TAFA1: variants seen among roughly 807,000 people sequenced by gnomAD.
The protein encoded by TAFA1 is TAFA chemokine like family member 1, also known as chemokine-like protein TAFA-1.
TAFA1 carries 4 observed loss-of-function variants against 18.5 expected under a neutral mutation model. That is an observed-to-expected ratio of 0.22 (90% CI 0.11 to 0.49). The LOEUF (loss-of-function observed/expected upper bound fraction) is 0.49, where lower values mean the gene tolerates loss of function less well. TAFA1 is among the 20% of genes least tolerant of loss of function. TAFA1 has a pLI of 0.98. For synonymous variants in TAFA1, 56 were observed against 55.2 expected (o/e 1.01, Z -0.06); for missense variants, 147 against 169.0 (o/e 0.87, Z 0.72).
chr3:68,484,978 C>T (rs2072310363), intron 3 of TAFA1, among the ~76,000 whole-genome samples: 1 of 152,108 alleles, frequency 6.6e-6, no homozygotes, highest in South Asian at 2.1e-4. Flanking sequence ...CTATTTTAAC[C>T]CATCCTTTGA....
intron 2 of TAFA1, among the ~76,000 whole-genome samples, chr3:68,369,601 C>G (rs1447934108): frequency 6.6e-6 from 1 of 152,186 alleles, no homozygotes; most frequent in Non-Finnish European, 1.5e-5. Context: ...TATGTAGTTT[C>G]TGAATCGTTG....
At chr3:68,060,920 C>G (rs13326766) in intron 2 of TAFA1, among the ~76,000 whole-genome samples, 52,232 of 152,064 alleles carry the variant, frequency 0.34, 9,722 homozygotes, top group East Asian at 0.49. Flanking sequence ...CACAAACCAG[C>G]TTGTCAGGAT....
chr3:68,171,135 G>A (rs965066714), intron 2 of TAFA1, among the ~76,000 whole-genome samples: 1 of 152,120 alleles, frequency 6.6e-6, no homozygotes, highest in African/African-American at 2.4e-5. Context: ...TATCATCTTG[G>A]ATTATCTAGA....
rs560665581 is a variant in TAFA1 at position 68,118,296 on chromosome 3, T to C, written c.118+111552T>C. On this transcript the variant is annotated intron_variant, in intron 2 of 4. Transcript: ENST00000478136. ...GATCCCTCACATGCGCACTTCATAA[T>C]AGGGTTCTCACTACCATAAGAATCT... 1.3e-4 allele frequency among the ~76,000 whole-genome samples: 20 copies of C among 152,254 alleles called. No individual in the cohort carries two copies. The East Asian group carries it at 1.5e-3, about 12-fold the overall frequency.
At chr3:68,501,272 A>G (rs2106706800) in intron 3 of TAFA1, among the ~76,000 whole-genome samples, 1 of 152,172 alleles carries the variant, frequency 6.6e-6, no homozygotes, top group African/African-American at 2.4e-5. Context: ...GACTCTATTG[A>G]AAATTGAATT....
chr3:68,154,271 G>A (rs1427978446), intron 2 of TAFA1, among the ~76,000 whole-genome samples: 2 of 152,126 alleles, frequency 1.3e-5, no homozygotes, highest in Non-Finnish European at 2.9e-5. Flanking sequence ...TAGAGACCTA[G>A]AAATTGTCTA....
At chr3:68,103,788 A>T (rs576054153) in intron 2 of TAFA1, among the ~76,000 whole-genome samples, 2 of 152,292 alleles carry the variant, frequency 1.3e-5, no homozygotes, top group East Asian at 3.9e-4. Flanking sequence ...AACACCTTAC[A>T]TGAATCACAA....
At chr3:68,188,737 T>C (rs2066301910) in intron 2 of TAFA1, among the ~76,000 whole-genome samples, 1 of 151,890 alleles carries the variant, frequency 6.6e-6, no homozygotes, top group Non-Finnish European at 1.5e-5. Flanking sequence ...CCATGCTATT[T>C]TGCACTAAGG....
chr3:68,304,365 G>A (rs1019569050), intron 2 of TAFA1, among the ~76,000 whole-genome samples: 7 of 152,132 alleles, frequency 4.6e-5, no homozygotes, highest in African/African-American at 1.7e-4. Context: ...CTTTATATTT[G>A]AACCTAGCAA....
chr3:68,361,025 T>C (rs780905915), intron 2 of TAFA1, among the ~76,000 whole-genome samples: 16 of 152,028 alleles, frequency 1.1e-4, no homozygotes, highest in Non-Finnish European at 1.5e-5. Flanking sequence ...AAATGCACTT[T>C]TGCTGAAAAC....
intron 2 of TAFA1, among the ~76,000 whole-genome samples, chr3:68,011,132 G>A (rs559550766): frequency 6.7e-6 from 1 of 150,308 alleles, no homozygotes; most frequent in African/African-American, 2.4e-5. Flanking sequence ...TGTGTGTGGG[G>A]GGTGGTGGGG....
At chr3:68,345,372 T>C (rs1183625831) in intron 2 of TAFA1, among the ~76,000 whole-genome samples, 1 of 152,226 alleles carries the variant, frequency 6.6e-6, no homozygotes. Flanking sequence ...CATCTGTCTG[T>C]AGCTATCATC....
intron 2 of TAFA1, among the ~76,000 whole-genome samples, chr3:68,289,987 T>C (rs916237285): frequency 6.6e-6 from 1 of 152,228 alleles, no homozygotes; most frequent in Non-Finnish European, 1.5e-5. Context: ...TTGACTCTTA[T>C]GCTTAAAATT....
intron 3 of TAFA1, among the ~76,000 whole-genome samples, chr3:68,448,416 A>C (rs1177622977): frequency 6.6e-6 from 1 of 152,242 alleles, no homozygotes; most frequent in Non-Finnish European, 1.5e-5. Flanking sequence ...GAGTTTTAAA[A>C]TAATGAAGAG....
At chr3:68,518,149 G>A (rs6773356) in intron 3 of TAFA1, among the ~76,000 whole-genome samples, 2 of 152,074 alleles carry the variant, frequency 1.3e-5, no homozygotes, top group Non-Finnish European at 2.9e-5. Context: ...TCTCAACTCT[G>A]GATTAGATCC....
chr3:68,392,081 C>T (rs752182438), intron 2 of TAFA1, among the ~76,000 whole-genome samples: 6 of 149,950 alleles, frequency 4.0e-5, no homozygotes, highest in Non-Finnish European at 5.9e-5. Flanking sequence ...GATAAAGAGT[C>T]AACACCCATC....
chr3:68,098,192 T>A lies in TAFA1; in HGVS notation c.118+91448T>A, dbSNP rs554845061. Among the ~76,000 whole-genome samples, 3 of 152,248 alleles carry A rather than the reference T, an allele frequency of 2.0e-5. No homozygotes were observed. The South Asian group carries it at 6.2e-4, about 32-fold the overall frequency. On this transcript the variant is annotated intron_variant, in intron 2 of 4. Transcript: ENST00000478136. The stretch of plus-strand genomic sequence containing the variant: ...ACAGAATCGTGATGGAAGTCAATAA[T>A]TGAATGCATCAAATGGGGGAAAAAA...
rs563872275 is a variant in TAFA1 at position 68,195,955 on chromosome 3, G to C, written c.118+189211G>C. On this transcript the variant is annotated intron_variant, in intron 2 of 4. Coordinates refer to ENST00000478136, the MANE Select transcript of TAFA1 (RefSeq NM_213609.4). ...GTCTTGGACCCATGTCACTTATAAT[G>C]TACATATCTAAAAATATTTTCTCTC... Among the ~76,000 whole-genome samples the C allele has an allele frequency of 3.3e-5, 5 of 151,718 alleles. No homozygotes were observed. In the South Asian group the frequency reaches 1.0e-3, roughly 31 times the overall value.
chr3:68,028,251 C>A (rs972805606), intron 2 of TAFA1, among the ~76,000 whole-genome samples: 1 of 151,992 alleles, frequency 6.6e-6, no homozygotes, highest in Non-Finnish European at 1.5e-5. Context: ...AATGAGCCAA[C>A]ATCATGCCAC....
Sources: allele counts gnomAD v4.1 joint callset (sites outside exome capture counted in the v4.1 genomes callset), GRCh38; gene constraint gnomAD v4.1.1; transcripts MANE v1.5; gene names NCBI Gene and HGNC (gene_info 2026-07-23, HGNC 2026-07-21).